The following SQOR variants were observed in gnomAD, a reference collection of about 807,000 sequenced individuals.
SQOR encodes sulfide:quinone oxidoreductase, mitochondrial.
In SQOR, 39 loss-of-function variants were observed where a neutral mutation model predicts 48.6. The observed-to-expected ratio is 0.80, with a 90% CI of 0.62 to 1.05. The LOEUF is 1.05. Among genes scored for constraint, SQOR ranks in the 50% least tolerant of loss-of-function variants. SQOR has a pLI of 0.00. For missense variants in SQOR, 561 were observed against 559.9 expected (o/e 1.00, Z -0.02); for synonymous variants, 220 against 206.2 (o/e 1.07, Z -0.57).
chr15:45,675,080 C>G (rs894261503), intron 5 of SQOR, among the ~76,000 whole-genome samples: 1 of 152,164 alleles, frequency 6.6e-6, no homozygotes, highest in Non-Finnish European at 1.5e-5. Context: ...TCATAAAGGG[C>G]TGGCACAGCC....
chr15:45,651,574 C>T (rs1436775248), intron 1 of SQOR, among the ~76,000 whole-genome samples: 2 of 152,280 alleles, frequency 1.3e-5, no homozygotes, highest in Admixed American at 1.3e-4. Flanking sequence ...CTCTCACTAC[C>T]TCAGCCTCCA....
intron 8 of SQOR, 90 bp downstream of exon 8, chr15:45,688,494 C>CTTTTCTTTTTTTCTGT (rs1566924887): frequency 6.5e-6 from 6 of 926,146 alleles, no homozygotes. Context: ...CACTTTCTGT[C>CTTTTCTTTTTTTCTGT]TTTTCTTTTT....
chr15:45,667,973 C>T (rs1193720665), intron 3 of SQOR, among the ~76,000 whole-genome samples: 9 of 118,484 alleles, frequency 7.6e-5, no homozygotes, highest in African/African-American at 2.6e-4. Flanking sequence ...GAGATAGAGT[C>T]TCTCACTGTC....
Position 45,676,140 on chromosome 15 carries a change from T to A in SQOR, c.694T>A (p.Ser232Thr). ...RSKANIIFNT[S>T]LGAIFGVKKY... is the part of the protein sequence containing the mutation. ...CAAGGCCAATATCATTTTCAACACTTCTCTTGGAGCCATTTTCGGGGTTAA... is the reference window on the plus strand; with the variant it reads ...CAAGGCCAATATCATTTTCAACACTACTCTTGGAGCCATTTTCGGGGTTAA... The change falls in exon 6 of 10, where the codon TCT becomes ACT. Residue 232 changes from serine to threonine, a missense_variant. Ser to Thr is a moderately conservative substitution (Grantham distance 58, BLOSUM62 1). Coordinates refer to ENST00000260324, the MANE Select transcript of SQOR (RefSeq NM_021199.4). The A allele has an allele frequency of 1.2e-6, 2 of 1,614,122 alleles. No homozygotes were observed. The highest frequency in any genetic ancestry group is 1.7e-6 in the Non-Finnish European group (2 of 1,180,024).
At chr15:45,631,737 G>C (rs1894902293), upstream of SQOR, 1 of 152,336 alleles carries the variant, frequency 6.6e-6, no homozygotes, top group South Asian at 2.1e-4. Flanking sequence ...CCAGAGCCCT[G>C]ATTTGGATTT....
intron 1 of SQOR, among the ~76,000 whole-genome samples, chr15:45,655,681 C>CTTTTTTTT (rs60764234): frequency 2.1e-5 from 3 of 143,738 alleles, no homozygotes; most frequent in Non-Finnish European, 3.0e-5. Context: ...GAAAGTATAT[C>CTTTTTTTT]TTTTTTTTTT....
At chr15:45,668,234 G>A (rs552435043) in intron 3 of SQOR, among the ~76,000 whole-genome samples, 3 of 152,248 alleles carry the variant, frequency 2.0e-5, no homozygotes, top group South Asian at 2.1e-4. Context: ...ATGAGCCACT[G>A]CACTGGCCAA....
chr15:45,689,233 G>A lies in SQOR; in HGVS notation c.1295+16G>A, dbSNP rs1890278507. 1 of 1,611,670 alleles carries A rather than the reference G, an allele frequency of 6.2e-7. No individual in the cohort carries two copies. Among genetic ancestry groups the A allele is most frequent in the Non-Finnish European group, 8.5e-7 (1 of 1,178,682 alleles). On this transcript the variant is annotated intron_variant, in intron 9 of 9. Coordinates refer to ENST00000260324, the MANE Select transcript of SQOR (RefSeq NM_021199.4). The stretch of plus-strand genomic sequence containing the variant: ...TGATGCTAAGGTAAGTGCACTGCCT[G>A]GTTCCTGGATGAGGAAAGGGATTTG...
At position 45,684,936 on chromosome 15, in the gene SQOR, T is replaced by C. The variant is rs192524951; in HGVS notation, c.1048+2275T>C. On this transcript the variant is annotated intron_variant, in intron 7 of 9. Coordinates refer to ENST00000260324, the MANE Select transcript of SQOR (RefSeq NM_021199.4). ...CATCCCCATTGTTTTTACATTTGTG[T>C]CTTACAATCTGCAACCTATTCTATG... 3.9e-5 allele frequency among the ~76,000 whole-genome samples: 6 copies of C among 152,328 alleles called. No homozygotes were observed. In the East Asian group the frequency reaches 9.7e-4, roughly 25 times the overall value.
chr15:45,648,334 T>C lies in SQOR; in HGVS notation c.-17-10573T>C, dbSNP rs915741467. Among the ~76,000 whole-genome samples the C allele has an allele frequency of 3.9e-5, 6 of 152,050 alleles. No homozygotes were observed. In the East Asian group the frequency reaches 5.8e-4, roughly 15 times the overall value. On this transcript the variant is annotated intron_variant, in intron 1 of 9. Transcript: ENST00000260324. ...CTGGGATAACAGGCATGTGCCACCA[T>C]ACCCAGCTAATTTTTGTATTTTTAG...
intron 1 of SQOR, among the ~76,000 whole-genome samples, chr15:45,654,768 G>T (rs1489318773): frequency 6.6e-6 from 1 of 152,174 alleles, no homozygotes; most frequent in Non-Finnish European, 1.5e-5. Context: ...GGTCTTCTGA[G>T]TGGAAAGACG....
intron 4 of SQOR, among the ~76,000 whole-genome samples, chr15:45,670,899 T>C (rs1889928689): frequency 1.3e-5 from 2 of 152,104 alleles, no homozygotes; most frequent in African/African-American, 4.8e-5. Flanking sequence ...GTAGACGATA[T>C]GGAGAAAGGT....
chr15:45,687,503 C>T (rs778495473), intron 7 of SQOR, among the ~76,000 whole-genome samples: 6 of 152,038 alleles, frequency 3.9e-5, no homozygotes, highest in African/African-American at 1.5e-4. Flanking sequence ...GAAAATACTG[C>T]GGGTTTGTGT....
At chr15:45,661,315 G>A (rs113897545) in intron 2 of SQOR, among the ~76,000 whole-genome samples, 74 of 88,698 alleles carry the variant, frequency 8.3e-4, no homozygotes, top group South Asian at 3.8e-3. Flanking sequence ...AAAAAAAAAA[G>A]GACCATCTGA....
At chr15:45,664,577 C>T (rs1336780783) in intron 3 of SQOR, among the ~76,000 whole-genome samples, 1 of 152,080 alleles carries the variant, frequency 6.6e-6, no homozygotes, top group Non-Finnish European at 1.5e-5. Context: ...GGCAACTTTA[C>T]AGAACAGCCC....
At chr15:45,658,022 A>G (rs1889644505) in intron 1 of SQOR, among the ~76,000 whole-genome samples, 1 of 152,146 alleles carries the variant, frequency 6.6e-6, no homozygotes, top group Non-Finnish European at 1.5e-5. Flanking sequence ...TCAGTCTTTG[A>G]GAAGCCTTAA....
intron 5 of SQOR, among the ~76,000 whole-genome samples, chr15:45,675,692 G>T (rs183770208): frequency 2.6e-5 from 4 of 152,088 alleles, no homozygotes; most frequent in African/African-American, 9.7e-5. Context: ...GAGGTACTGC[G>T]CCTGGCTGGA....
chr15:45,643,556 A>G (rs1354912949), intron 1 of SQOR, among the ~76,000 whole-genome samples: 1 of 152,248 alleles, frequency 6.6e-6, no homozygotes, highest in Non-Finnish European at 1.5e-5. Flanking sequence ...AGTCTATTTC[A>G]CAAAGATACA....
chr15:45,634,176 T>C (rs1300295420), upstream of SQOR, among the ~76,000 whole-genome samples: 7 of 63,958 alleles, frequency 1.1e-4, no homozygotes, highest in Admixed American at 8.7e-4. Flanking sequence ...TGAGACTCTG[T>C]TTCAAAAAAC....
Sources: gnomAD v4.1 joint callset for allele counts (sites outside exome capture counted in the v4.1 genomes callset) on GRCh38, gnomAD v4.1.1 for gene constraint, MANE v1.5 for transcripts, NCBI Gene and HGNC (gene_info 2026-07-23, HGNC 2026-07-21) for gene names.